Variants in BICC1 observed in about 807,000 individuals in gnomAD.
The protein encoded by BICC1 is protein bicaudal C homolog 1.
BICC1 carries 43 observed loss-of-function variants against 111.0 expected under a neutral mutation model. That is an observed-to-expected ratio of 0.39 (90% CI 0.30 to 0.50). BICC1 has a LOEUF of 0.50. BICC1 is among the 20% of genes least tolerant of loss of function. BICC1 has a pLI of 0.88. For synonymous variants in BICC1, 467 were observed against 434.4 expected (o/e 1.07, Z -0.93); for missense variants, 1,091 against 1,203.2 (o/e 0.91, Z 1.38).
chr10:58,736,393 G>A (rs1193449528), intron 3 of BICC1, among the ~76,000 whole-genome samples: 1 of 117,966 alleles, frequency 8.5e-6, no homozygotes, highest in Non-Finnish European at 1.8e-5. Context: ...AACAACATAT[G>A]TAGAATTTTG....
chr10:58,607,196 A>G (rs1291714852), intron 1 of BICC1, among the ~76,000 whole-genome samples: 1 of 151,916 alleles, frequency 6.6e-6, no homozygotes, highest in African/African-American at 2.4e-5. Context: ...CATGCCTGTA[A>G]TCCCAGCTAC....
At chr10:58,817,869 G>A (rs770667258) in intron 19 of BICC1, 147 bp downstream of exon 19, 8 of 799,160 alleles carry the variant, frequency 1.0e-5, no homozygotes, top group Non-Finnish European at 1.3e-5. Flanking sequence ...TAAGAAAAAT[G>A]TCATCTCATT....
At chr10:58,714,941 G>A (rs1840691156) in intron 3 of BICC1, among the ~76,000 whole-genome samples, 1 of 151,904 alleles carries the variant, frequency 6.6e-6, no homozygotes, top group African/African-American at 2.4e-5. Context: ...CAGGCATGGT[G>A]GCACACGCCT....
chr10:58,783,994 C>T (rs1337673849), intron 3 of BICC1, among the ~76,000 whole-genome samples: 1 of 152,138 alleles, frequency 6.6e-6, no homozygotes, highest in Non-Finnish European at 1.5e-5. Flanking sequence ...TCTCCCTCTA[C>T]CTGGAAGGTT....
At chr10:58,557,516 A>G (rs1485494222) in intron 1 of BICC1, among the ~76,000 whole-genome samples, 1 of 151,924 alleles carries the variant, frequency 6.6e-6, no homozygotes, top group Non-Finnish European at 1.5e-5. Context: ...ATGTTGTTCC[A>G]CAGCTTATTG....
intron 2 of BICC1, among the ~76,000 whole-genome samples, chr10:58,698,580 A>G (rs1309351880): frequency 1.3e-5 from 2 of 152,108 alleles, no homozygotes; most frequent in Non-Finnish European, 2.9e-5. Flanking sequence ...CAGTACCATG[A>G]TGGCGGTTGG....
At chr10:58,769,683 A>T (rs2132717171) in intron 3 of BICC1, among the ~76,000 whole-genome samples, 1 of 152,028 alleles carries the variant, frequency 6.6e-6, no homozygotes, top group African/African-American at 2.4e-5. Flanking sequence ...AAACCTAGGG[A>T]TCAATTATTG....
chr10:58,730,523 T>C (rs532293538), intron 3 of BICC1, among the ~76,000 whole-genome samples: 29 of 152,200 alleles, frequency 1.9e-4, no homozygotes, highest in Non-Finnish European at 3.2e-4. Flanking sequence ...CAGTTGGGAC[T>C]CTGTGTGGGA....
At chr10:58,708,389 A>G (rs904255267) in intron 3 of BICC1, among the ~76,000 whole-genome samples, 8 of 152,188 alleles carry the variant, frequency 5.3e-5, no homozygotes, top group African/African-American at 1.9e-4. Flanking sequence ...AAGCGGCATC[A>G]TTGTCTGGGG....
At chr10:58,536,088 A>G (rs1028464625) in intron 1 of BICC1, among the ~76,000 whole-genome samples, 3 of 151,828 alleles carry the variant, frequency 2.0e-5, no homozygotes, top group Middle Eastern at 3.4e-3. Context: ...AGCAACTACC[A>G]CTAGACCTAA....
At chr10:58,786,179 T>A (rs1200879201) in intron 4 of BICC1, among the ~76,000 whole-genome samples, 1 of 152,170 alleles carries the variant, frequency 6.6e-6, no homozygotes, top group African/African-American at 2.4e-5. Context: ...GTCTTCTAAA[T>A]GAGAAGGGAT....
chr10:58,747,697 C>G (rs1355243085), intron 3 of BICC1, among the ~76,000 whole-genome samples: 2 of 152,026 alleles, frequency 1.3e-5, no homozygotes, highest in Non-Finnish European at 2.9e-5. Flanking sequence ...TTTATATGCT[C>G]TTTCTAAAAA....
chr10:58,669,031 ATC>A (rs1291681218), intron 2 of BICC1, among the ~76,000 whole-genome samples: 3 of 152,138 alleles, frequency 2.0e-5, no homozygotes, highest in African/African-American at 7.2e-5. Context: ...AGAAACTAAT[ATC>A]TAAGAATATT....
intron 1 of BICC1, among the ~76,000 whole-genome samples, chr10:58,545,871 G>A (rs1191245320): frequency 2.0e-5 from 3 of 152,164 alleles, no homozygotes; most frequent in African/African-American, 4.8e-5. Flanking sequence ...GCTAATTGGA[G>A]TTAGTGACAG....
chr10:58,513,343 C>T lies in BICC1; in HGVS notation c.190+10C>T, dbSNP rs369199088. On this transcript the variant is annotated intron_variant, in intron 1 of 20. Transcript: ENST00000373886. ...GAGGCCATGTTACAAGGTAGGCATC[C>T]CTCGTGTTCTCGGACTCTCCGACTG... 1 of 1,598,250 alleles carries T rather than the reference C, an allele frequency of 6.3e-7. No individual in the cohort carries two copies. The highest frequency in any genetic ancestry group is 1.3e-5 in the African/African-American group (1 of 74,430).
intron 1 of BICC1, among the ~76,000 whole-genome samples, chr10:58,531,495 A>G (rs1842680930): frequency 6.6e-6 from 1 of 151,872 alleles, no homozygotes; most frequent in Admixed American, 6.6e-5. Context: ...CGTTTATTCA[A>G]ATACAAAAAT....
At chr10:58,534,369 C>T (rs763420683) in intron 1 of BICC1, among the ~76,000 whole-genome samples, 3 of 151,606 alleles carry the variant, frequency 2.0e-5, no homozygotes, top group Non-Finnish European at 4.4e-5. Context: ...ATACTGTGAA[C>T]CAGACTGAAA....
At chr10:58,566,805 T>G (rs1024254232) in intron 1 of BICC1, among the ~76,000 whole-genome samples, 1 of 152,148 alleles carries the variant, frequency 6.6e-6, no homozygotes, top group Non-Finnish European at 1.5e-5. Context: ...TCTGATGTGT[T>G]TGTGAGAAAG....
intron 1 of BICC1, among the ~76,000 whole-genome samples, chr10:58,619,367 T>C (rs888568177): frequency 1.3e-5 from 2 of 152,136 alleles, no homozygotes; most frequent in African/African-American, 4.8e-5. Context: ...CACATTTCTA[T>C]AAAAATAGAG....
Sources: gnomAD v4.1 joint callset for allele counts (sites outside exome capture counted in the v4.1 genomes callset) on GRCh38, gnomAD v4.1.1 for gene constraint, MANE v1.5 for transcripts, NCBI Gene and HGNC (gene_info 2026-07-23, HGNC 2026-07-21) for gene names.